The following LIN7A variants were observed in gnomAD, a reference collection of about 807,000 sequenced individuals.
LIN7A encodes protein lin-7 homolog A.
A neutral mutation model predicts 29.8 loss-of-function variants in LIN7A; 25 were observed. That is an observed-to-expected ratio of 0.84 (90% CI 0.61 to 1.17). The LOEUF (loss-of-function observed/expected upper bound fraction) is 1.17. Among genes scored for constraint, LIN7A ranks in the 50% most tolerant of loss-of-function variants. The pLI is 0.00. For missense variants in LIN7A, 239 were observed against 287.0 expected (o/e 0.83, Z 1.21); for synonymous variants, 118 against 107.5 (o/e 1.10, Z -0.60).
At chr12:80,883,304 C>T (rs1875162537) in intron 2 of LIN7A, among the ~76,000 whole-genome samples, 1 of 152,118 alleles carries the variant, frequency 6.6e-6, no homozygotes, top group Admixed American at 6.5e-5. Context: ...TCTCATAAAG[C>T]TGATTAAGTT....
chr12:80,829,993 C>T (rs1412466354), intron 4 of LIN7A, among the ~76,000 whole-genome samples: 1 of 152,274 alleles, frequency 6.6e-6, no homozygotes, highest in East Asian at 1.9e-4. Flanking sequence ...ATTGCAGATA[C>T]AGGCTGAAGT....
chr12:80,829,443 A>AT (rs1409047122), intron 4 of LIN7A, among the ~76,000 whole-genome samples: 5 of 152,180 alleles, frequency 3.3e-5, no homozygotes, highest in Non-Finnish European at 7.3e-5. Flanking sequence ...CGGGGCCAGC[A>AT]TATCACTTAT....
chr12:80,842,364 T>C (rs958677917), intron 4 of LIN7A, among the ~76,000 whole-genome samples: 1 of 152,138 alleles, frequency 6.6e-6, no homozygotes, highest in Non-Finnish European at 1.5e-5. Flanking sequence ...TGTCTAGTTT[T>C]ATATTTTGCC....
At chr12:80,899,765 C>CTTTCT (rs1555228168) in intron 1 of LIN7A, among the ~76,000 whole-genome samples, 8 of 109,988 alleles carry the variant, frequency 7.3e-5, no homozygotes, top group African/African-American at 1.7e-4. Flanking sequence ...TTCTTTTTTT[C>CTTTCT]TTTTCTTTTT....
chr12:80,846,970 C>T (rs978039171), intron 3 of LIN7A, among the ~76,000 whole-genome samples: 3 of 152,220 alleles, frequency 2.0e-5, no homozygotes. Context: ...TTCCCAACGA[C>T]TGTACCTTCT....
chr12:80,910,903 A>G (rs936809330), intron 1 of LIN7A, among the ~76,000 whole-genome samples: 18 of 152,256 alleles, frequency 1.2e-4, no homozygotes, highest in African/African-American at 3.4e-4. Flanking sequence ...GTACAACTAA[A>G]ATGAGAAAAG....
chr12:80,886,413 T>A (rs1263713738), intron 2 of LIN7A, among the ~76,000 whole-genome samples: 1 of 152,112 alleles, frequency 6.6e-6, no homozygotes, highest in Non-Finnish European at 1.5e-5. Flanking sequence ...ATTCATAATA[T>A]TATTCAGAAT....
chr12:80,899,103 G>A (rs1876062366), intron 1 of LIN7A, among the ~76,000 whole-genome samples: 1 of 152,102 alleles, frequency 6.6e-6, no homozygotes, highest in Non-Finnish European at 1.5e-5. Context: ...TTAGTATGAT[G>A]TTGGCTGTGG....
chr12:80,813,282 A>G (rs1419096667), intron 4 of LIN7A, among the ~76,000 whole-genome samples: 2 of 152,224 alleles, frequency 1.3e-5, no homozygotes, highest in Admixed American at 1.3e-4. Flanking sequence ...AAGTGCTGGG[A>G]TTACAGGCGT....
At chr12:80,840,907 T>C (rs1872776104) in intron 4 of LIN7A, among the ~76,000 whole-genome samples, 1 of 152,220 alleles carries the variant, frequency 6.6e-6, no homozygotes, top group Admixed American at 6.5e-5. Context: ...CTTCAAATGA[T>C]GAGCAAATTC....
intron 4 of LIN7A, among the ~76,000 whole-genome samples, chr12:80,818,211 T>TC (rs1403974543): frequency 5.3e-5 from 8 of 152,162 alleles, no homozygotes; most frequent in Non-Finnish European, 1.0e-4. Flanking sequence ...CAGGCTGGAG[T>TC]GCAGTGGCCG....
chr12:80,845,268 A>G (rs541699511), intron 4 of LIN7A, among the ~76,000 whole-genome samples: 1 of 151,460 alleles, frequency 6.6e-6, no homozygotes, highest in Non-Finnish European at 1.5e-5. Flanking sequence ...TTTTGAGTGC[A>G]TTAGCCTTTT....
intron 2 of LIN7A, among the ~76,000 whole-genome samples, chr12:80,871,798 AC>A (rs1874440116): frequency 1.3e-5 from 2 of 151,872 alleles, no homozygotes; most frequent in Admixed American, 1.3e-4. Flanking sequence ...CTTGTAGTAG[AC>A]AAATGTAAAC....
At chr12:80,813,236 C>A (rs894345037) in intron 4 of LIN7A, among the ~76,000 whole-genome samples, 1 of 152,194 alleles carries the variant, frequency 6.6e-6, no homozygotes, top group African/African-American at 2.4e-5. Context: ...TGGTCTTGAT[C>A]TCCTGACCTT....
chr12:80,892,719 G>A (rs1172162023), intron 1 of LIN7A, among the ~76,000 whole-genome samples: 1 of 152,098 alleles, frequency 6.6e-6, no homozygotes, highest in African/African-American at 2.4e-5. Flanking sequence ...AAATGCCTAG[G>A]TCGGTCCCAC....
chr12:80,905,228 C>A (rs1354642295), intron 1 of LIN7A, among the ~76,000 whole-genome samples: 1 of 151,604 alleles, frequency 6.6e-6, no homozygotes, highest in African/African-American at 2.4e-5. Flanking sequence ...GTGGCTCTGT[C>A]ACCCAGGCTG....
chr12:80,929,167 C>A (rs1004094280), intron 1 of LIN7A, among the ~76,000 whole-genome samples: 1 of 152,010 alleles, frequency 6.6e-6, no homozygotes, highest in Non-Finnish European at 1.5e-5. Context: ...TTGCACCAAC[C>A]TAATAAATAA....
chr12:80,909,400 T>C (rs1249747170), intron 1 of LIN7A, among the ~76,000 whole-genome samples: 1 of 152,212 alleles, frequency 6.6e-6, no homozygotes, highest in African/African-American at 2.4e-5. Context: ...AAAGCAGTAA[T>C]GTGAACCTTC....
intron 4 of LIN7A, among the ~76,000 whole-genome samples, chr12:80,833,963 C>T (rs939870514): frequency 2.0e-5 from 3 of 152,162 alleles, no homozygotes; most frequent in Non-Finnish European, 4.4e-5. Context: ...TATCTCTGCT[C>T]ACTTATCTAA....
Sources: allele counts gnomAD v4.1 joint callset (sites outside exome capture counted in the v4.1 genomes callset), GRCh38; gene constraint gnomAD v4.1.1; transcripts MANE v1.5; gene names NCBI Gene and HGNC (gene_info 2026-07-23, HGNC 2026-07-21).